The following SLC9A9 variants were observed in gnomAD, a reference collection of about 807,000 sequenced individuals.
SLC9A9 encodes sodium/hydrogen exchanger 9.
Under a neutral mutation model 77.8 loss-of-function variants are expected in SLC9A9, and 62 were observed. That is an observed-to-expected ratio of 0.80 (90% confidence interval 0.65 to 0.98). The LOEUF (loss-of-function observed/expected upper bound fraction) is 0.98, where lower values mean the gene tolerates loss of function less well. SLC9A9 is among the 50% of genes least tolerant of loss of function. The pLI is 0.00. For synonymous variants in SLC9A9, 320 were observed against 283.5 expected, an observed-to-expected ratio of 1.13 and a Z score of -1.29; for missense variants, 775 against 774.9, an observed-to-expected ratio of 1.00 and a Z score of 0.00.
intron 14 of SLC9A9, among the ~76,000 whole-genome samples, chr3:143,333,069 G>A (rs944491659): frequency 6.6e-6 from 1 of 152,156 alleles, no homozygotes; most frequent in African/African-American, 2.4e-5. Flanking sequence ...GAATGTGAAT[G>A]TTTCTCTCTG....
intron 6 of SLC9A9, among the ~76,000 whole-genome samples, chr3:143,635,682 C>T (rs2038509095): frequency 6.6e-6 from 1 of 152,156 alleles, no homozygotes; most frequent in Non-Finnish European, 1.5e-5. Flanking sequence ...AGGGGTCAGA[C>T]TATTTTCCCC....
intron 4 of SLC9A9, among the ~76,000 whole-genome samples, chr3:143,763,606 T>A (rs2007206996): frequency 6.6e-6 from 1 of 152,172 alleles, no homozygotes; most frequent in African/African-American, 2.4e-5. Flanking sequence ...GAAGAACTTG[T>A]TTGTACATGC....
chr3:143,427,784 A>G (rs1225013274), intron 12 of SLC9A9, among the ~76,000 whole-genome samples: 1 of 152,124 alleles, frequency 6.6e-6, no homozygotes, highest in African/African-American at 2.4e-5. Flanking sequence ...TTTCTCAGTC[A>G]TGTCTCCTGG....
intron 2 of SLC9A9, among the ~76,000 whole-genome samples, chr3:143,804,513 C>A (rs1475338468): frequency 6.6e-6 from 1 of 152,148 alleles, no homozygotes; most frequent in Non-Finnish European, 1.5e-5. Flanking sequence ...TACAAGACAC[C>A]CCTTTCAGCA....
rs532072121 is a variant in SLC9A9 at position 143,440,246 on chromosome 3, T to C, written c.1469+26791A>G. On this transcript the variant is annotated intron_variant, in intron 12 of 15. Coordinates refer to ENST00000316549, the MANE Select transcript of SLC9A9 (RefSeq NM_173653.4). ...TGAAAACACAGCAATTTATAATGTT[T>C]CCTGTGGGAAATCAACAAAGTCCTT... Among the ~76,000 whole-genome samples, 3 of 152,354 alleles carry C rather than the reference T, an allele frequency of 2.0e-5. No individual in the cohort carries two copies. In the South Asian group the frequency reaches 6.2e-4, roughly 32 times the overall value.
At chr3:143,529,528 G>C (rs1472188586) in intron 9 of SLC9A9, among the ~76,000 whole-genome samples, 1 of 152,158 alleles carries the variant, frequency 6.6e-6, no homozygotes, top group Non-Finnish European at 1.5e-5. Context: ...TTGTTGGATG[G>C]TTTTATATAC....
At chr3:143,309,342 A>G (rs2030931365) in intron 14 of SLC9A9, among the ~76,000 whole-genome samples, 1 of 151,994 alleles carries the variant, frequency 6.6e-6, no homozygotes, top group Non-Finnish European at 1.5e-5. Context: ...GGCTAAGGAA[A>G]CACCACAGCG....
rs1313988591 is a variant in SLC9A9 at position 143,622,876 on chromosome 3, A to G, written c.755+29379T>C. Among the ~76,000 whole-genome samples the G allele has an allele frequency of 2.6e-5, 4 of 152,186 alleles. No homozygotes were observed. The East Asian group carries it at 7.7e-4, about 29-fold the overall frequency. The stretch of plus-strand genomic sequence containing the variant: ...GCTGTATTCAGGAAACCCATCTCAC[A>G]TACAGAGACACACATAGGCTCAAAA... On this transcript the variant is annotated intron_variant, in intron 6 of 15. Transcript: ENST00000316549.
intron 9 of SLC9A9, among the ~76,000 whole-genome samples, chr3:143,524,390 T>C (rs1263070680): frequency 1.3e-5 from 2 of 152,164 alleles, no homozygotes; most frequent in Non-Finnish European, 2.9e-5. Context: ...GAGGGCAAGA[T>C]GGTCAGTGAA....
At chr3:143,627,444 T>C (rs1396878111) in intron 6 of SLC9A9, 7 of 223,562 alleles carry the variant, frequency 3.1e-5, no homozygotes, top group Non-Finnish European at 5.7e-5. Context: ...TAGTTATGAA[T>C]GTCAGCTCCG....
chr3:143,498,163 T>C (rs2035868295), intron 9 of SLC9A9, among the ~76,000 whole-genome samples: 1 of 152,188 alleles, frequency 6.6e-6, no homozygotes, highest in African/African-American at 2.4e-5. Flanking sequence ...AGTACAAAAG[T>C]TTTGTTTTGC....
intron 12 of SLC9A9, among the ~76,000 whole-genome samples, chr3:143,424,633 G>A (rs2034370662): frequency 6.6e-6 from 1 of 151,968 alleles, no homozygotes; most frequent in South Asian, 2.1e-4. Flanking sequence ...CAAAGTGTTG[G>A]GATTACAGGC....
intron 12 of SLC9A9, among the ~76,000 whole-genome samples, chr3:143,410,142 A>T (rs1284980698): frequency 6.6e-6 from 1 of 152,104 alleles, no homozygotes; most frequent in Non-Finnish European, 1.5e-5. Context: ...AGTAGAGGAG[A>T]GGGTTGGAGA....
chr3:143,795,191 G>T, intron 3 of SLC9A9, 114 bp from the exon 4 acceptor site: 2 of 836,486 alleles, frequency 2.4e-6, no homozygotes, highest in South Asian at 1.5e-5. Context: ...GGCAAATTTT[G>T]GTTTTGGAGC....
chr3:143,789,843 G>A (rs2008165070), intron 4 of SLC9A9, among the ~76,000 whole-genome samples: 2 of 152,254 alleles, frequency 1.3e-5, no homozygotes, highest in Non-Finnish European at 1.5e-5. Context: ...GAAGCCCAAT[G>A]AGAAATCAAT....
intron 4 of SLC9A9, among the ~76,000 whole-genome samples, chr3:143,783,244 G>A (rs111550173): frequency 6.6e-6 from 1 of 152,144 alleles, no homozygotes; most frequent in African/African-American, 2.4e-5. Flanking sequence ...AGCTGTCATT[G>A]CCCTCCATTC....
At chr3:143,575,965 G>C (rs950853647) in intron 7 of SLC9A9, among the ~76,000 whole-genome samples, 1 of 152,016 alleles carries the variant, frequency 6.6e-6, no homozygotes, top group African/African-American at 2.4e-5. Context: ...CTGTTACCGA[G>C]CCTGTTTCTT....
intron 14 of SLC9A9, among the ~76,000 whole-genome samples, chr3:143,278,680 G>A (rs1407217221): frequency 1.5e-5 from 2 of 130,670 alleles, no homozygotes; most frequent in South Asian, 2.9e-4. Context: ...TTAGGGGCCC[G>A]CCCTGTTCCA....
chr3:143,401,870 A>T (rs1175597481), intron 12 of SLC9A9, among the ~76,000 whole-genome samples: 1 of 152,228 alleles, frequency 6.6e-6, no homozygotes, highest in Non-Finnish European at 1.5e-5. Context: ...GCTTTATTAA[A>T]TGCTCCAACT....
Sources: allele counts gnomAD v4.1 joint callset (sites outside exome capture counted in the v4.1 genomes callset), GRCh38; gene constraint gnomAD v4.1.1; transcripts MANE v1.5; gene names NCBI Gene and HGNC (gene_info 2026-07-23, HGNC 2026-07-21).